The following HHAT variants were observed in gnomAD, a reference collection of about 807,000 sequenced individuals.
HHAT encodes hedgehog acyltransferase.
Under a neutral mutation model 70.8 loss-of-function variants are expected in HHAT, and 47 were observed. The ratio of observed to expected loss-of-function variants is 0.66; its 90% CI spans 0.53 to 0.85. The LOEUF is 0.85. Among genes scored for constraint, HHAT ranks in the 40% least tolerant of loss-of-function variants. The pLI, the probability that HHAT is intolerant of heterozygous loss-of-function variation, is 0.00. For synonymous variants in HHAT, 228 were observed against 247.6 expected, an observed-to-expected ratio of 0.92 and a Z score of 0.74; for missense variants, 609 against 604.8, an observed-to-expected ratio of 1.01 and a Z score of -0.07.
At chr1:210,531,216 T>G (rs1256709671) in intron 9 of HHAT, among the ~76,000 whole-genome samples, 1 of 152,256 alleles carries the variant, frequency 6.6e-6, no homozygotes, top group Non-Finnish European at 1.5e-5. Context: ...TATAATCTTA[T>G]GAGACCACTA....
intron 11 of HHAT, among the ~76,000 whole-genome samples, chr1:210,654,619 C>T (rs1675989612): frequency 6.6e-6 from 1 of 152,228 alleles, no homozygotes; most frequent in African/African-American, 2.4e-5. Flanking sequence ...GCCTACTGCT[C>T]TGTATATAGT....
At chr1:210,553,900 C>A (rs1429274826) in intron 9 of HHAT, among the ~76,000 whole-genome samples, 1 of 152,182 alleles carries the variant, frequency 6.6e-6, no homozygotes, top group African/African-American at 2.4e-5. Flanking sequence ...CCACTCCTGC[C>A]TGGGGCTGAC....
chr1:210,413,512 G>T (rs923540460), intron 6 of HHAT, among the ~76,000 whole-genome samples: 1 of 152,124 alleles, frequency 6.6e-6, no homozygotes, highest in Non-Finnish European at 1.5e-5. Flanking sequence ...TTTCTCCTCT[G>T]CTGTTTTACT....
At chr1:210,651,175 G>T (rs1019971634) in intron 11 of HHAT, among the ~76,000 whole-genome samples, 1 of 152,184 alleles carries the variant, frequency 6.6e-6, no homozygotes, top group African/African-American at 2.4e-5. Flanking sequence ...TTCTGTGCAT[G>T]GCAAATGCCC....
At chr1:210,494,872 C>T (rs12569120) in intron 8 of HHAT, among the ~76,000 whole-genome samples, 5,102 of 151,960 alleles carry the variant, frequency 0.034, 364 homozygotes, top group East Asian at 0.31. Context: ...TTTTGACATC[C>T]GAGTAGAGTT....
intron 11 of HHAT, among the ~76,000 whole-genome samples, chr1:210,628,831 A>G (rs756293084): frequency 6.6e-5 from 10 of 152,222 alleles, no homozygotes; most frequent in Non-Finnish European, 1.2e-4. Context: ...GAGGGTTGTT[A>G]TTAAATAGAA....
chr1:210,645,998 C>G (rs574584388), intron 11 of HHAT, among the ~76,000 whole-genome samples: 1 of 152,284 alleles, frequency 6.6e-6, no homozygotes, highest in Admixed American at 6.5e-5. Context: ...CAACTGGGAC[C>G]TGCCCTCCCA....
At chr1:210,471,330 A>G (rs1250522526) in intron 8 of HHAT, among the ~76,000 whole-genome samples, 1 of 152,080 alleles carries the variant, frequency 6.6e-6, no homozygotes, top group Non-Finnish European at 1.5e-5. Flanking sequence ...CCTTGTAAGG[A>G]ATCTAGAAAG....
intron 9 of HHAT, among the ~76,000 whole-genome samples, chr1:210,559,307 G>A (rs906378654): frequency 3.3e-4 from 50 of 152,254 alleles, no homozygotes; most frequent in Non-Finnish European, 5.6e-4. Flanking sequence ...TACTCTTCAT[G>A]ATTTTAAATA....
At chr1:210,449,848 A>C (rs568604098) in intron 7 of HHAT, among the ~76,000 whole-genome samples, 2 of 152,130 alleles carry the variant, frequency 1.3e-5, no homozygotes, top group Admixed American at 6.6e-5. Flanking sequence ...AGAAATTTCT[A>C]CTCGCTAATT....
At chr1:210,376,701 A>T (rs1572007363) in intron 3 of HHAT, among the ~76,000 whole-genome samples, 1 of 152,070 alleles carries the variant, frequency 6.6e-6, no homozygotes, top group East Asian at 1.9e-4. Context: ...CTGGGTGGGG[A>T]GGTGTCTCTT....
intron 1 of HHAT, among the ~76,000 whole-genome samples, chr1:210,340,772 C>A (rs912927146): frequency 1.3e-5 from 2 of 152,132 alleles, no homozygotes; most frequent in Non-Finnish European, 2.9e-5. Context: ...TACATTTAGA[C>A]CACTTATATT....
intron 9 of HHAT, among the ~76,000 whole-genome samples, chr1:210,559,736 C>G (rs1036195780): frequency 1.5e-4 from 23 of 151,734 alleles, no homozygotes; most frequent in African/African-American, 5.3e-4. Flanking sequence ...GCTGGCTGCT[C>G]TATGGATGAG....
chr1:210,411,884 T>G (rs1346012765), intron 6 of HHAT, among the ~76,000 whole-genome samples: 2 of 152,222 alleles, frequency 1.3e-5, no homozygotes, highest in Admixed American at 6.5e-5. Flanking sequence ...CTCTACAGAC[T>G]AATGGATAGT....
rs200336367 is a variant in HHAT at position 210,404,541 on chromosome 1, C to T, written c.546C>T (p.Ser182=). Residue 182 remains serine (S), a synonymous_variant, in exon 6 of 12, where the codon AGC becomes AGT. Coordinates refer to ENST00000261458, the MANE Select transcript of HHAT (RefSeq NM_018194.6). ...TLTVRCLYYT[S]FSLELCWQQL... ...CCGTTCGCTGCCTGTACTACACCAGCTTCAGCCTGGAGCTCTGCTGGCAGC... is the reference window on the plus strand; with the variant it reads ...CCGTTCGCTGCCTGTACTACACCAGTTTCAGCCTGGAGCTCTGCTGGCAGC... 69 of 1,613,834 alleles carry T rather than the reference C, an allele frequency of 4.3e-5. No individual in the cohort carries two copies. Among genetic ancestry groups the T allele is most frequent in the Non-Finnish European group, 4.9e-5 (58 of 1,179,944 alleles).
intron 10 of HHAT, chr1:210,590,326 A>G (rs928876254): frequency 2.0e-5 from 3 of 152,044 alleles, no homozygotes; most frequent in African/African-American, 7.2e-5. Flanking sequence ...CAAAATCCAA[A>G]TGAAGACTTA....
At chr1:210,592,383 CT>C (rs1184884181) in intron 10 of HHAT, among the ~76,000 whole-genome samples, 2 of 151,958 alleles carry the variant, frequency 1.3e-5, no homozygotes, top group African/African-American at 4.8e-5. Context: ...TTCTGTTCCA[CT>C]GATCTGTGTG....
intron 10 of HHAT, among the ~76,000 whole-genome samples, chr1:210,599,203 T>C (rs1280989762): frequency 6.6e-6 from 1 of 152,208 alleles, no homozygotes; most frequent in African/African-American, 2.4e-5. Context: ...TTTAAATATA[T>C]TTAATTTTAA....
intron 9 of HHAT, among the ~76,000 whole-genome samples, chr1:210,516,018 C>T (rs1412141317): frequency 6.6e-6 from 1 of 151,542 alleles, no homozygotes; most frequent in Non-Finnish European, 1.5e-5. Flanking sequence ...TGCAGTGAGC[C>T]GAGATGGGGC....
Sources: gnomAD v4.1 joint callset for allele counts (sites outside exome capture counted in the v4.1 genomes callset) on GRCh38, gnomAD v4.1.1 for gene constraint, MANE v1.5 for transcripts, NCBI Gene and HGNC (gene_info 2026-07-23, HGNC 2026-07-21) for gene names.